The following TDRD9 variants were observed in gnomAD, a reference collection of about 807,000 sequenced individuals.
TDRD9 encodes the protein ATP-dependent RNA helicase TDRD9.
Under a neutral mutation model 172.6 loss-of-function variants are expected in TDRD9, and 124 were observed. That is an observed-to-expected ratio of 0.72 (90% CI 0.62 to 0.83). The LOEUF is 0.83. Among genes scored for constraint, TDRD9 ranks in the 40% least tolerant of loss-of-function variants. The pLI is 0.00. For missense variants in TDRD9, 1,479 were observed against 1,714.1 expected (o/e 0.86, Z 2.42); for synonymous variants, 619 against 617.1 (o/e 1.00, Z -0.05).
chr14:103,999,989 C>T (rs2034205041), intron 13 of TDRD9, among the ~76,000 whole-genome samples: 1 of 152,142 alleles, frequency 6.6e-6, no homozygotes, highest in African/African-American at 2.4e-5. Flanking sequence ...CCTGAAATGA[C>T]TTGCCTAGAG....
chr14:103,970,694 G>A (rs1171158984), intron 6 of TDRD9, 73 bp downstream of exon 6: 37 of 1,206,742 alleles, frequency 3.1e-5, no homozygotes, highest in Non-Finnish European at 4.4e-5. Flanking sequence ...TCTCTCTATA[G>A]TCTGTTGGTG....
intron 1 of TDRD9, among the ~76,000 whole-genome samples, chr14:103,950,353 G>A (rs1254813532): frequency 1.3e-5 from 2 of 152,122 alleles, no homozygotes; most frequent in East Asian, 1.9e-4. Flanking sequence ...GCCTCCCAAA[G>A]TGCTGGGATT....
At chr14:103,988,744 G>T (rs1263479951) in intron 8 of TDRD9, among the ~76,000 whole-genome samples, 3 of 148,910 alleles carry the variant, frequency 2.0e-5, no homozygotes, top group African/African-American at 4.9e-5. Flanking sequence ...AGCAGGCTGG[G>T]TACAGTGGAG....
intron 13 of TDRD9, among the ~76,000 whole-genome samples, chr14:104,002,185 T>C (rs772688899): frequency 6.6e-6 from 1 of 151,800 alleles, no homozygotes; most frequent in Non-Finnish European, 1.5e-5. Context: ...TCAACCATGA[T>C]GGCATGCGCC....
Position 104,049,694 on chromosome 14 carries a change from A to T in TDRD9, c.4047+14A>T. 1 of 1,568,462 alleles carries T rather than the reference A, an allele frequency of 6.4e-7. No homozygotes were observed. Among genetic ancestry groups the T allele is most frequent in the Non-Finnish European group, 8.6e-7 (1 of 1,156,796 alleles). ...GAGTGGAATCAGGTGAGTGGGACGC[A>T]GGCTGCTACATGAGCAGAGGCCACG... On this transcript the variant is annotated intron_variant, in intron 35 of 35. Transcript: ENST00000409874.
intron 1 of TDRD9, among the ~76,000 whole-genome samples, chr14:103,935,586 A>G (rs1267933139): frequency 6.6e-6 from 1 of 152,240 alleles, no homozygotes; most frequent in East Asian, 1.9e-4. Flanking sequence ...GAAGTCTGGC[A>G]GAGCTAGACA....
In TDRD9 at chr14:103,935,452, G is replaced by A. The variant is rs901500954; in HGVS notation, c.215+6728G>A. On this transcript the variant is annotated intron_variant, in intron 1 of 35. Coordinates refer to ENST00000409874, the MANE Select transcript of TDRD9 (RefSeq NM_153046.3). The stretch of plus-strand genomic sequence containing the variant: ...AGCAAGTGACAGGTGTTGCCTTCAG[G>A]TAAGGAAGGCGAGACTGCACGAGGA... Among the ~76,000 whole-genome samples, 20 of 152,342 alleles carry A rather than the reference G, an allele frequency of 1.3e-4. No homozygotes were observed. The South Asian group carries it at 3.7e-3, about 28-fold the overall frequency.
chr14:103,990,172 G>A (rs143785083), intron 8 of TDRD9, among the ~76,000 whole-genome samples: 2 of 152,288 alleles, frequency 1.3e-5, no homozygotes, highest in East Asian at 1.9e-4. Context: ...GCAGATGTTC[G>A]CCCCTGGTTG....
intron 1 of TDRD9, among the ~76,000 whole-genome samples, chr14:103,930,497 A>G (rs1239140108): frequency 6.7e-6 from 1 of 148,770 alleles, no homozygotes. Context: ...TTTTAAAGTT[A>G]CTCTTGTTTG....
At chr14:103,971,147 C>T (rs903175098) in intron 6 of TDRD9, among the ~76,000 whole-genome samples, 1 of 151,694 alleles carries the variant, frequency 6.6e-6, no homozygotes, top group African/African-American at 2.4e-5. Flanking sequence ...CCAAGCCCAG[C>T]TAATTTTTTG....
At chr14:104,034,501 C>A (rs995850566) in intron 31 of TDRD9, among the ~76,000 whole-genome samples, 1 of 152,168 alleles carries the variant, frequency 6.6e-6, no homozygotes, top group Admixed American at 6.5e-5. Flanking sequence ...ACGTGCTGTT[C>A]TTTTAGGCCA....
intron 1 of TDRD9, among the ~76,000 whole-genome samples, chr14:103,931,669 C>G (rs1055739152): frequency 6.6e-6 from 1 of 152,128 alleles, no homozygotes; most frequent in Non-Finnish European, 1.5e-5. Flanking sequence ...ATGACTCCCC[C>G]AAAGATGTTC....
At chr14:103,947,084 A>G (rs1005504268) in intron 1 of TDRD9, among the ~76,000 whole-genome samples, 3 of 152,182 alleles carry the variant, frequency 2.0e-5, no homozygotes, top group Non-Finnish European at 4.4e-5. Context: ...AGTCAAAACA[A>G]TCTTGAAAAA....
At chr14:103,974,419 A>T (rs886220398) in intron 6 of TDRD9, among the ~76,000 whole-genome samples, 11 of 152,010 alleles carry the variant, frequency 7.2e-5, no homozygotes, top group Admixed American at 2.0e-4. Context: ...TGAGTTTCTT[A>T]AGGATATCAT....
rs3831000 is a variant in TDRD9 at position 104,049,590 on chromosome 14, C to CTT, written c.3975-9_3975-8dup. 115 of 1,429,180 alleles carry CTT rather than the reference C, an allele frequency of 8.0e-5. No individual in the cohort carries two copies. Among genetic ancestry groups the CTT allele is most frequent in the Admixed American group, 4.5e-4 (21 of 47,030 alleles). The allele number at this position is 1,429,180 out of a possible 1,614,324, so 88.5% of individuals were successfully genotyped here. Reference sequence around the variant, plus strand: ...TACTAATATATAATTAAGATAATTTCTTTTTTTTTTAAATTAGTTTGTTCT... The same window carrying CTT: ...TACTAATATATAATTAAGATAATTTCTTTTTTTTTTTTAAATTAGTTTGTTCT... On this transcript the variant is annotated splice_polypyrimidine_tract_variant and intron_variant, in intron 34 of 35. Coordinates refer to ENST00000409874, the MANE Select transcript of TDRD9 (RefSeq NM_153046.3).
chr14:104,022,945 C>T (rs1306819612), intron 24 of TDRD9, among the ~76,000 whole-genome samples: 3 of 151,100 alleles, frequency 2.0e-5, no homozygotes, highest in Non-Finnish European at 4.4e-5. Flanking sequence ...TTTGGGAGAC[C>T]GAGGCGGGAG....
At position 104,026,038 on chromosome 14, in the gene TDRD9, A is replaced by T. The variant is rs533972455; in HGVS notation, c.2932-9A>T. ...CCGTCGTAAAGTGTATACTTGCTTT[A>T]TTTTCTAGGTATTCTTTGTAGATTA... On this transcript the variant is annotated splice_polypyrimidine_tract_variant and intron_variant, in intron 26 of 35. Coordinates refer to ENST00000409874, the MANE Select transcript of TDRD9 (RefSeq NM_153046.3). 1 of 1,581,176 alleles carries T rather than the reference A, an allele frequency of 6.3e-7. No individual in the cohort carries two copies. Among genetic ancestry groups the T allele is most frequent in the African/African-American group, 1.3e-5 (1 of 74,348 alleles).
At chr14:103,934,370 T>C (rs1281112625) in intron 1 of TDRD9, among the ~76,000 whole-genome samples, 1 of 152,222 alleles carries the variant, frequency 6.6e-6, no homozygotes, top group Non-Finnish European at 1.5e-5. Context: ...TTCAGTAATT[T>C]TCCCATTGAT....
intron 14 of TDRD9, 71 bp from the exon 15 acceptor site, chr14:104,005,201 GCA>G: frequency 6.6e-7 from 1 of 1,507,888 alleles, no homozygotes. Context: ...TCCCTCTGAA[GCA>G]CTGGTTATGT....
Sources: gnomAD v4.1 joint callset for allele counts (sites outside exome capture counted in the v4.1 genomes callset) on GRCh38, gnomAD v4.1.1 for gene constraint, MANE v1.5 for transcripts, NCBI Gene and HGNC (gene_info 2026-07-23, HGNC 2026-07-21) for gene names.